Variants in VAT1L observed in about 807,000 individuals in gnomAD.
VAT1L encodes the protein vesicle amine transport 1 like.
A neutral mutation model predicts 44.1 loss-of-function variants in VAT1L; 34 were observed. The observed-to-expected ratio is 0.77, with a 90% CI of 0.59 to 1.03. The LOEUF (loss-of-function observed/expected upper bound fraction) is 1.03, where lower values mean the gene tolerates loss of function less well. Ranked by LOEUF, VAT1L falls within the 50% of genes least tolerant of loss-of-function variation. VAT1L has a pLI of 0.00. For missense variants in VAT1L, 615 were observed against 538.8 expected (o/e 1.14, Z -1.40); for synonymous variants, 253 against 202.2 (o/e 1.25, Z -2.13).
At chr16:77,860,691 ACCC>A (rs776871558) in intron 3 of VAT1L, among the ~76,000 whole-genome samples, 1 of 152,118 alleles carries the variant, frequency 6.6e-6, no homozygotes, top group Non-Finnish European at 1.5e-5. Flanking sequence ...GCTGATATTT[ACCC>A]TCCCTAGAAA....
chr16:77,968,277 G>T (rs2018244152), intron 7 of VAT1L, among the ~76,000 whole-genome samples: 1 of 152,078 alleles, frequency 6.6e-6, no homozygotes, highest in African/African-American at 2.4e-5. Context: ...TCTCACACAA[G>T]AGAGAATTCA....
Position 77,884,565 on chromosome 16 carries a change from C to G in VAT1L, c.883-43C>G. 1 of 1,583,414 alleles carries G rather than the reference C, an allele frequency of 6.3e-7. No homozygotes were observed. Among genetic ancestry groups the G allele is most frequent in the African/African-American group, 1.3e-5 (1 of 74,150 alleles). On this transcript the variant is annotated intron_variant, in intron 6 of 8. Transcript: ENST00000302536. The surrounding 1 kb of genome is among the most constrained non-coding windows in gnomAD (Gnocchi z 4.5). Reference sequence around the variant, plus strand: ...CAATGCTGCCAATGTAGGCTTAACCCCGGTATTGAGTTCCTATAACCCAAT... The same window carrying G: ...CAATGCTGCCAATGTAGGCTTAACCGCGGTATTGAGTTCCTATAACCCAAT...
intron 7 of VAT1L, among the ~76,000 whole-genome samples, chr16:77,959,161 C>T (rs562184633): frequency 2.0e-5 from 3 of 152,276 alleles, no homozygotes; most frequent in Admixed American, 1.3e-4. Flanking sequence ...CACATTATTG[C>T]AAAGACCCAA....
intron 7 of VAT1L, among the ~76,000 whole-genome samples, chr16:77,903,275 C>A (rs768342026): frequency 6.6e-6 from 1 of 152,116 alleles, no homozygotes; most frequent in Non-Finnish European, 1.5e-5. Context: ...ATATTCCCCC[C>A]GCTATGTAAG....
chr16:77,848,560 C>T (rs2016778587), intron 3 of VAT1L, among the ~76,000 whole-genome samples: 3 of 152,144 alleles, frequency 2.0e-5, no homozygotes, highest in Admixed American at 2.0e-4. Flanking sequence ...GAGGTCATCT[C>T]CTTTACTCCT....
intron 1 of VAT1L, among the ~76,000 whole-genome samples, chr16:77,790,941 T>C (rs2015823682): frequency 6.6e-6 from 1 of 151,120 alleles, no homozygotes; most frequent in African/African-American, 2.4e-5. Flanking sequence ...TCAGTGGCGC[T>C]ACACACACAC....
intron 1 of VAT1L, among the ~76,000 whole-genome samples, chr16:77,798,377 T>G (rs1179260290): frequency 6.6e-6 from 1 of 152,220 alleles, no homozygotes; most frequent in Non-Finnish European, 1.5e-5. Context: ...GCAACCTGTA[T>G]AACCTTGGAA....
chr16:77,973,731 T>C (rs1363368438), intron 8 of VAT1L, among the ~76,000 whole-genome samples: 4 of 151,828 alleles, frequency 2.6e-5, no homozygotes, highest in Non-Finnish European at 5.9e-5. Flanking sequence ...AGTGTTTTTT[T>C]GTTTGTTTGT....
intron 7 of VAT1L, among the ~76,000 whole-genome samples, chr16:77,945,778 G>T (rs1431917243): frequency 1.4e-5 from 2 of 146,098 alleles, no homozygotes; most frequent in African/African-American, 5.0e-5. Flanking sequence ...TCTTTGTTTT[G>T]TTTTCTTTAG....
chr16:77,946,279 C>CTTTTTTTTTTTTTTTTTTTTTTT (rs66461822), intron 7 of VAT1L, among the ~76,000 whole-genome samples: 984 of 70,400 alleles, frequency 0.014, 331 homozygotes, highest in Non-Finnish European at 0.021. Flanking sequence ...GTTACTTGTT[C>CTTTTTTTTTTTTTTTTTTTTTTT]TTTTTTTTTT....
intron 3 of VAT1L, among the ~76,000 whole-genome samples, chr16:77,833,462 G>C (rs1444166636): frequency 1.3e-5 from 2 of 152,180 alleles, no homozygotes; most frequent in Non-Finnish European, 2.9e-5. Context: ...TTCATGAAAA[G>C]TGGTAGTGGG....
intron 8 of VAT1L, among the ~76,000 whole-genome samples, chr16:77,976,801 G>C (rs1215850464): frequency 6.6e-6 from 1 of 152,198 alleles, no homozygotes; most frequent in Non-Finnish European, 1.5e-5. Context: ...TGAAGACCCA[G>C]AGGGGTAATC....
intron 3 of VAT1L, among the ~76,000 whole-genome samples, chr16:77,847,077 G>T (rs2016765347): frequency 6.6e-6 from 1 of 152,150 alleles, no homozygotes; most frequent in Non-Finnish European, 1.5e-5. Flanking sequence ...GGTCAGAGTA[G>T]GTCCTTCTGC....
chr16:77,874,285 A>T (rs953161392), intron 4 of VAT1L, among the ~76,000 whole-genome samples: 1 of 152,100 alleles, frequency 6.6e-6, no homozygotes, highest in Non-Finnish European at 1.5e-5. Context: ...TGGTAAAAGC[A>T]GACCAGGACC....
At chr16:77,903,091 T>G (rs927873098) in intron 7 of VAT1L, among the ~76,000 whole-genome samples, 10 of 152,224 alleles carry the variant, frequency 6.6e-5, no homozygotes, top group Non-Finnish European at 1.2e-4. Flanking sequence ...AAAATTTCCT[T>G]GAGAATAGTC....
intron 6 of VAT1L, among the ~76,000 whole-genome samples, chr16:77,880,704 C>T (rs900861677): frequency 6.9e-6 from 1 of 145,746 alleles, no homozygotes; most frequent in East Asian, 2.1e-4. Flanking sequence ...ACAAATGATC[C>T]TCTCATTCAC....
At chr16:77,895,228 C>A (rs2142470831) in intron 7 of VAT1L, among the ~76,000 whole-genome samples, 1 of 152,272 alleles carries the variant, frequency 6.6e-6, no homozygotes, top group African/African-American at 2.4e-5. Context: ...CCCTTGCACC[C>A]AGCTCTGCTC....
chr16:77,910,667 C>T (rs1185495992), intron 7 of VAT1L, among the ~76,000 whole-genome samples: 5 of 92,038 alleles, frequency 5.4e-5, no homozygotes, highest in Admixed American at 3.9e-4. Flanking sequence ...GAGTGAGACT[C>T]CTTCTCAAAA....
chr16:77,851,652 T>TA (rs2016809763), intron 3 of VAT1L, among the ~76,000 whole-genome samples: 1 of 151,756 alleles, frequency 6.6e-6, no homozygotes, highest in Non-Finnish European at 1.5e-5. Context: ...AAACCTGTAT[T>TA]AAAAAAATAA....
Sources: allele counts gnomAD v4.1 joint callset (sites outside exome capture counted in the v4.1 genomes callset), GRCh38; gene constraint gnomAD v4.1.1; non-coding constraint Gnocchi (gnomAD v3.1); transcripts MANE v1.5; gene names NCBI Gene and HGNC (gene_info 2026-07-23, HGNC 2026-07-21).